Variants in BDNF observed in about 807,000 individuals in gnomAD.
The protein encoded by BDNF is neurotrophic factor BDNF precursor form.
BDNF carries 1 observed loss-of-function variant against 19.5 expected under a neutral mutation model. The ratio of observed to expected loss-of-function variants is 0.05; its 90% CI spans 0.02 to 0.24. The LOEUF (loss-of-function observed/expected upper bound fraction) is 0.24. Among genes scored for constraint, BDNF ranks in the 10% least tolerant of loss-of-function variants. The pLI is 1.00. For synonymous variants in BDNF, 100 were observed against 121.6 expected (o/e 0.82, Z 1.17); for missense variants, 195 against 317.6 (o/e 0.61, Z 2.93).
chr11:27,695,189 G>A (rs185844832), intron 1 of BDNF, among the ~76,000 whole-genome samples: 65 of 152,226 alleles, frequency 4.3e-4, no homozygotes, highest in Non-Finnish European at 6.9e-4. Flanking sequence ...TGGTGATTTT[G>A]TTCTCTAGGT....
At chr11:27,662,979 G>A (rs1564947156) in intron 1 of BDNF, among the ~76,000 whole-genome samples, 1 of 152,182 alleles carries the variant, frequency 6.6e-6, no homozygotes, top group Non-Finnish European at 1.5e-5. Context: ...CATACTAACT[G>A]TCCTACAATT....
chr11:27,677,357 T>C (rs995656298), intron 1 of BDNF: 5 of 152,186 alleles, frequency 3.3e-5, no homozygotes, highest in African/African-American at 1.2e-4. Context: ...TAGGTGCATA[T>C]GTACAAAATG....
At chr11:27,685,508 T>G (rs954765727) in intron 1 of BDNF, among the ~76,000 whole-genome samples, 1 of 152,212 alleles carries the variant, frequency 6.6e-6, no homozygotes, top group Non-Finnish European at 1.5e-5. Context: ...TGATTTTAGC[T>G]CTTTCCTGCT....
intron 1 of BDNF, among the ~76,000 whole-genome samples, chr11:27,662,005 GTT>G (rs1853526093): frequency 6.6e-6 from 1 of 151,808 alleles, no homozygotes; most frequent in African/African-American, 2.4e-5. Context: ...CACTTGTTTT[GTT>G]TTGTTTTTTT....
upstream of BDNF, chr11:27,700,794 C>A: frequency 1.7e-6 from 2 of 1,204,268 alleles, no homozygotes; most frequent in Non-Finnish European, 2.1e-6. Flanking sequence ...CCCGGGGAAC[C>A]CCGCGTCCCG....
At chr11:27,720,941 C>G (rs1860723239) in intron 1 of BDNF, among the ~76,000 whole-genome samples, 1 of 147,242 alleles carries the variant, frequency 6.8e-6, no homozygotes, top group East Asian at 2.0e-4. Context: ...TTCTCTCCCC[C>G]CAACCCCACC....
At chr11:27,668,490 T>C (rs1255112421) in intron 1 of BDNF, among the ~76,000 whole-genome samples, 1 of 151,680 alleles carries the variant, frequency 6.6e-6, no homozygotes, top group African/African-American at 2.4e-5. Flanking sequence ...TTTAAAAAGA[T>C]CAACAAAATT....
chr11:27,681,037 A>C (rs1464948148), intron 1 of BDNF, among the ~76,000 whole-genome samples: 1 of 152,242 alleles, frequency 6.6e-6, no homozygotes, highest in African/African-American at 2.4e-5. Context: ...TTTTCACAGA[A>C]AGAACAAGTA....
In BDNF at chr11:27,700,251, C is replaced by G; in HGVS notation, c.-109G>C. On this transcript the variant is annotated 5_prime_UTR_variant, in exon 1 of 2. Transcript: ENST00000356660. ...GGCTCCAGCGCCCAGCCCCGGTCCC[C>G]GTCGCGGTGCTGCTCCCCGCCGGCC... 1.0e-6 allele frequency: 1 copy of G among 985,568 alleles called. No homozygotes were observed. Among genetic ancestry groups the G allele is most frequent in the East Asian group, 1.1e-4 (1 of 8,778 alleles). 61.1% of individuals were successfully genotyped at this position (985,568 alleles called of 1,614,324 possible). A position where few individuals can be genotyped will look rare whatever the true frequency, so the allele number is the denominator to read the frequency against.
chr11:27,672,337 A>G (rs1324811185), intron 1 of BDNF, among the ~76,000 whole-genome samples: 1 of 152,144 alleles, frequency 6.6e-6, no homozygotes, highest in Non-Finnish European at 1.5e-5. Flanking sequence ...CACTCACTCA[A>G]TCAGAATCAT....
intron 1 of BDNF, chr11:27,720,476 A>C (rs2134118782): frequency 1.0e-6 from 1 of 985,900 alleles, no homozygotes; most frequent in Non-Finnish European, 1.2e-6. Context: ...TAGGAAGCCA[A>C]CTTCAGCGAG....
At chr11:27,716,468 C>CACACAA (rs1860520287) in intron 1 of BDNF, among the ~76,000 whole-genome samples, 1 of 150,912 alleles carries the variant, frequency 6.6e-6, no homozygotes, top group African/African-American at 2.5e-5. Context: ...CACACACACA[C>CACACAA]ACACACACAC....
chr11:27,684,229 G>A (rs1221449469), intron 1 of BDNF, among the ~76,000 whole-genome samples: 1 of 152,158 alleles, frequency 6.6e-6, no homozygotes, highest in Non-Finnish European at 1.5e-5. Flanking sequence ...AGGAATGCTC[G>A]TGATTTTTGC....
intron 1 of BDNF, among the ~76,000 whole-genome samples, chr11:27,692,562 T>G (rs1365654123): frequency 1.3e-5 from 2 of 152,112 alleles, no homozygotes; most frequent in Non-Finnish European, 2.9e-5. Context: ...AGACTCGTAA[T>G]GATCTCCTGG....
chr11:27,658,081 C>T lies in BDNF; in HGVS notation c.484G>A (p.Gly162Arg). 3 of 1,614,126 alleles carry T rather than the reference C, an allele frequency of 1.9e-6. No homozygotes were observed. The highest frequency in any genetic ancestry group is 1.7e-6 in the Non-Finnish European group (2 of 1,180,024). The part of the protein sequence containing the change: ...DKKTAVDMSG[G>R]TVTVLEKVPV... ...ACCTTTTCAAGGACTGTGACCGTCC[C>T]GCCCGACATGTCCACTGCAGTCTTT... The change falls in exon 2 of 2, where the codon GGG (glycine) becomes AGG (arginine). Residue 162 changes from glycine (G) to arginine (R), a missense_variant. Gly to Arg is a moderately radical substitution (Grantham distance 125). Coordinates refer to ENST00000356660, the MANE Select transcript of BDNF (RefSeq NM_001709.5). The surrounding 1 kb of genome is among the most constrained non-coding windows in gnomAD (Gnocchi z 5.7).
At chr11:27,660,291 TTC>T (rs1206359844) in intron 1 of BDNF, 15 of 1,174,620 alleles carry the variant, frequency 1.3e-5, no homozygotes, top group Non-Finnish European at 1.4e-5. Context: ...ACAAAAAAAT[TTC>T]TTTTAGATTT....
At chr11:27,697,994 CACAT>C (rs1859326448) in intron 1 of BDNF, 1 of 151,664 alleles carries the variant, frequency 6.6e-6, no homozygotes, top group Admixed American at 6.6e-5. Flanking sequence ...AAAATAGTTC[CACAT>C]ACATAATGCT....
chr11:27,675,074 G>T, intron 1 of BDNF: 1 of 243,208 alleles, frequency 4.1e-6, no homozygotes, highest in Non-Finnish European at 6.6e-6. Context: ...ACCAGTGCTG[G>T]CTTGCTATGC....
chr11:27,706,012 G>A (rs1010866824), intron 1 of BDNF, among the ~76,000 whole-genome samples: 4 of 152,160 alleles, frequency 2.6e-5, no homozygotes, highest in Non-Finnish European at 4.4e-5. Context: ...TTCCCTTGCC[G>A]TAGGTTTGGT....
Sources: gnomAD v4.1 joint callset for allele counts (sites outside exome capture counted in the v4.1 genomes callset) on GRCh38, gnomAD v4.1.1 for gene constraint, Gnocchi (gnomAD v3.1) non-coding constraint, MANE v1.5 for transcripts, NCBI Gene and HGNC (gene_info 2026-07-23, HGNC 2026-07-21) for gene names.